Variants in EDNRA observed in about 807,000 individuals in gnomAD.
EDNRA encodes the protein endothelin receptor type A.
A neutral mutation model predicts 41.4 loss-of-function variants in EDNRA; 11 were observed. The ratio of observed to expected loss-of-function variants is 0.27; its 90% CI spans 0.17 to 0.44. The LOEUF is 0.44. Among genes scored for constraint, EDNRA ranks in the 20% least tolerant of loss-of-function variants. The pLI, the probability that EDNRA is intolerant of heterozygous loss-of-function variation, is 1.00. For missense variants in EDNRA, 294 were observed against 531.0 expected (o/e 0.55, Z 4.39); for synonymous variants, 172 against 183.0 (o/e 0.94, Z 0.49).
chr4:147,528,917 C>T (rs1381753382), intron 3 of EDNRA, among the ~76,000 whole-genome samples: 1 of 152,118 alleles, frequency 6.6e-6, no homozygotes, highest in East Asian at 1.9e-4. Context: ...GCAGAGGGTG[C>T]TATGGTCTGA....
At chr4:147,526,389 C>G (rs1215268101) in intron 3 of EDNRA, among the ~76,000 whole-genome samples, 1 of 152,120 alleles carries the variant, frequency 6.6e-6, no homozygotes, top group Non-Finnish European at 1.5e-5. Context: ...GTCAGAGGTC[C>G]AACACTCACA....
chr4:147,506,447 A>G, intron 2 of EDNRA: 2 of 376,402 alleles, frequency 5.3e-6, no homozygotes, highest in Non-Finnish European at 1.1e-5. Flanking sequence ...CTGTAAGGCT[A>G]TCACAACAAC....
rs776785411 is a variant in EDNRA, at chr4:147,485,659, T to A, written c.-23T>A. On this transcript the variant is annotated 5_prime_UTR_variant, in exon 2 of 8. Transcript: ENST00000651419. ...AAAGCAGCACAAGTGCAATAAGAGATATTTCCTCAAATTTGCCTCAAGATG... is the reference window on the plus strand; with the variant it reads ...AAAGCAGCACAAGTGCAATAAGAGAAATTTCCTCAAATTTGCCTCAAGATG... The A allele has an allele frequency of 5.8e-6, 9 of 1,560,394 alleles. No homozygotes were observed. The highest frequency in any genetic ancestry group is 7.8e-6 in the Non-Finnish European group (9 of 1,153,222).
In EDNRA at chr4:147,519,946, C is replaced by T. The variant is rs753966078; in HGVS notation, c.516C>T (p.Thr172=). 3.1e-6 allele frequency: 5 copies of T among 1,612,914 alleles called. No homozygotes were observed. The highest frequency in any genetic ancestry group is 2.7e-5 in the African/African-American group (2 of 74,978). ...TGCAGAAGTCCTCGGTGGGGATCAC[C>T]GTCCTCAACCTCTGCGCTCTTAGTG... ...PFLQKSSVGI[T]VLNLCALSVD... The change falls in exon 3 of 8, where the codon ACC becomes ACT. Residue 172 remains threonine, a synonymous_variant. Transcript: ENST00000651419. The surrounding 1 kb of genome is among the most constrained non-coding windows in gnomAD (Gnocchi z 4.1).
chr4:147,523,468 TTTG>T (rs539512347), intron 3 of EDNRA, among the ~76,000 whole-genome samples: 1,401 of 132,196 alleles, frequency 0.011, 26 homozygotes, highest in South Asian at 0.03. Context: ...TTTGTTTTTT[TTTG>T]TTGTTGTTGT....
intron 2 of EDNRA, among the ~76,000 whole-genome samples, chr4:147,497,378 C>G (rs6831737): frequency 0.029 from 4,465 of 151,932 alleles, 195 homozygotes; most frequent in African/African-American, 0.1. Flanking sequence ...ATTTGCCTTT[C>G]AAGAAAATCT....
chr4:147,528,479 C>T (rs545724748), intron 3 of EDNRA, among the ~76,000 whole-genome samples: 1 of 151,618 alleles, frequency 6.6e-6, no homozygotes, highest in Non-Finnish European at 1.5e-5. Context: ...CCACCCCAGC[C>T]TCCCAAGGGA....
chr4:147,532,441 T>C, intron 3 of EDNRA, 65 bp from the exon 4 acceptor site: 6 of 1,475,246 alleles, frequency 4.1e-6, no homozygotes, highest in Non-Finnish European at 5.7e-6. Context: ...GCACTTACAA[T>C]TTTTGTTTAA....
At chr4:147,505,207 A>C (rs1729649920) in intron 2 of EDNRA, among the ~76,000 whole-genome samples, 1 of 123,822 alleles carries the variant, frequency 8.1e-6, no homozygotes, top group South Asian at 2.7e-4. Context: ...AAATGTAAAA[A>C]AAAAAAAAAG....
intron 3 of EDNRA, among the ~76,000 whole-genome samples, chr4:147,527,987 A>G (rs1362542221): frequency 6.6e-6 from 1 of 152,218 alleles, no homozygotes; most frequent in African/African-American, 2.4e-5. Context: ...CTCTAAAAGT[A>G]TTAGCTTTTA....
At chr4:147,499,672 T>C (rs1473997780) in intron 2 of EDNRA, among the ~76,000 whole-genome samples, 1 of 152,124 alleles carries the variant, frequency 6.6e-6, no homozygotes, top group East Asian at 1.9e-4. Context: ...CTAAGCCAGG[T>C]GGCTAGATTT....
At chr4:147,531,387 G>A (rs986082934) in intron 3 of EDNRA, among the ~76,000 whole-genome samples, 2 of 152,178 alleles carry the variant, frequency 1.3e-5, no homozygotes, top group African/African-American at 4.8e-5. Context: ...CCTGGTACAA[G>A]CCCACTGTGC....
chr4:147,481,497 C>G (rs561508771), intron 1 of EDNRA, 121 bp downstream of exon 1: 33 of 152,422 alleles, frequency 2.2e-4, no homozygotes, highest in Admixed American at 2.2e-3. Flanking sequence ...GCCCGACCGC[C>G]CTGCAGCTTG....
At chr4:147,538,927 G>T (rs929814530) in intron 5 of EDNRA, among the ~76,000 whole-genome samples, 5 of 152,148 alleles carry the variant, frequency 3.3e-5, no homozygotes, top group African/African-American at 1.2e-4. Flanking sequence ...TTACAGACAA[G>T]TTGCATTTTG....
At chr4:147,498,101 T>C (rs762401935) in intron 2 of EDNRA, among the ~76,000 whole-genome samples, 13 of 152,148 alleles carry the variant, frequency 8.5e-5, no homozygotes, top group Non-Finnish European at 1.6e-4. Context: ...CAAAAAGAAA[T>C]TTTATTTATG....
At chr4:147,531,568 A>G (rs1023502656) in intron 3 of EDNRA, 10 of 151,872 alleles carry the variant, frequency 6.6e-5, no homozygotes, top group Non-Finnish European at 1.3e-4. Flanking sequence ...CCATCCATCC[A>G]ATTTCTCCCC....
intron 7 of EDNRA, among the ~76,000 whole-genome samples, chr4:147,542,034 T>A (rs1369820410): frequency 2.0e-5 from 3 of 152,168 alleles, no homozygotes; most frequent in Non-Finnish European, 4.4e-5. Context: ...TGGACCTCAC[T>A]GTCCTCATTC....
intron 3 of EDNRA, among the ~76,000 whole-genome samples, chr4:147,523,480 G>GTTTTTGTTTTTTT (rs1730405170): frequency 2.8e-5 from 4 of 140,582 alleles, no homozygotes; most frequent in Admixed American, 7.0e-5. Context: ...TGTTGTTGTT[G>GTTTTTGTTTTTTT]TTTTTTTGTT....
chr4:147,518,994 T>C (rs1730219527), intron 2 of EDNRA, among the ~76,000 whole-genome samples: 1 of 152,216 alleles, frequency 6.6e-6, no homozygotes, highest in Non-Finnish European at 1.5e-5. Context: ...GCTATTGTTA[T>C]GTGTCTGCTA....
Sources: allele counts gnomAD v4.1 joint callset (sites outside exome capture counted in the v4.1 genomes callset), GRCh38; gene constraint gnomAD v4.1.1; non-coding constraint Gnocchi (gnomAD v3.1); transcripts MANE v1.5; gene names NCBI Gene and HGNC (gene_info 2026-07-23, HGNC 2026-07-21).